Variants in CDC42BPB observed in about 807,000 individuals in gnomAD.
The protein encoded by CDC42BPB is CDC42 binding protein kinase beta.
CDC42BPB carries 37 observed loss-of-function variants against 214.9 expected under a neutral mutation model. The observed-to-expected ratio is 0.17, with a 90% CI of 0.13 to 0.23. The LOEUF (loss-of-function observed/expected upper bound fraction) is 0.23, where lower values mean the gene tolerates loss of function less well. Ranked by LOEUF, CDC42BPB falls within the 10% of genes least tolerant of loss-of-function variation. The pLI is 1.00. For missense variants in CDC42BPB, 1,694 were observed against 2,227.0 expected (o/e 0.76, Z 4.82); for synonymous variants, 931 against 884.0 (o/e 1.05, Z -0.94).
Position 102,944,049 on chromosome 14 carries a change from G to A in CDC42BPB, c.4250C>T (p.Ala1417Val), listed in dbSNP as rs776462657. 6.2e-7 allele frequency: 1 copy of A among 1,613,588 alleles called. No homozygotes were observed. The highest frequency in any genetic ancestry group is 1.1e-5 in the South Asian group (1 of 91,080). The part of the protein sequence containing the change: ...NLVNPNDPSL[A>V]FLSQQSFDAL... Reference sequence around the variant, plus strand: ...ATCAAAAGACTGTTGTGAGAGGAACGCAAGCGAGGGGTCATTGGGATTTAC... The same window carrying A: ...ATCAAAAGACTGTTGTGAGAGGAACACAAGCGAGGGGTCATTGGGATTTAC... The change falls in exon 30 of 37, where the codon GCG (alanine) becomes GTG (valine). Residue 1417 changes from alanine (A) to valine (V), a missense_variant. By Grantham distance (64) the Ala-to-Val change is moderately conservative (BLOSUM62 0). This residue lies in a region of CDC42BPB where 567 missense variants were observed against 790.3 expected (regional missense o/e 0.72). Coordinates refer to ENST00000361246, the MANE Select transcript of CDC42BPB (RefSeq NM_006035.4). The surrounding 1 kb of genome is among the most constrained non-coding windows in gnomAD (Gnocchi z 6.6).
chr14:102,977,332 C>T (rs1893795630), intron 9 of CDC42BPB, among the ~76,000 whole-genome samples: 1 of 123,918 alleles, frequency 8.1e-6, no homozygotes, highest in African/African-American at 3.1e-5. Context: ...GAGCGAGACT[C>T]CGTCTCCAAA....
At chr14:103,035,828 A>C (rs534202095) in intron 1 of CDC42BPB, among the ~76,000 whole-genome samples, 1 of 151,996 alleles carries the variant, frequency 6.6e-6, no homozygotes, top group East Asian at 1.9e-4. Flanking sequence ...TGACAGAGCA[A>C]GACTCTGTCT....
chr14:102,966,214 C>G, intron 18 of CDC42BPB, 68 bp downstream of exon 18: 1 of 1,188,848 alleles, frequency 8.4e-7, no homozygotes, highest in Non-Finnish European at 1.2e-6. Flanking sequence ...ACTTATATGT[C>G]ACATTTATAC....
chr14:102,946,877 T>C (rs760430909), intron 27 of CDC42BPB, 193 bp from the exon 28 acceptor site: 61 of 985,054 alleles, frequency 6.2e-5, no homozygotes, highest in Non-Finnish European at 6.7e-5. Flanking sequence ...AGGGGCGGGG[T>C]TCTAAACAGC....
At chr14:103,007,717 G>C (rs1885917885) in intron 3 of CDC42BPB, among the ~76,000 whole-genome samples, 1 of 152,218 alleles carries the variant, frequency 6.6e-6, no homozygotes, top group Non-Finnish European at 1.5e-5. Flanking sequence ...CTGCAAGGAG[G>C]GGACTGCCAA....
chr14:103,031,986 TA>T (rs1325334990), intron 1 of CDC42BPB, among the ~76,000 whole-genome samples: 21 of 144,518 alleles, frequency 1.5e-4, no homozygotes, highest in African/African-American at 4.8e-4. Flanking sequence ...TTATTATTAT[TA>T]TTATTTTTTT....
intron 1 of CDC42BPB, among the ~76,000 whole-genome samples, chr14:103,044,410 C>T (rs1173331151): frequency 1.3e-5 from 2 of 149,134 alleles, no homozygotes; most frequent in Non-Finnish European, 3.0e-5. Context: ...CGCTCTGTCA[C>T]CCAGGCTCGA....
In CDC42BPB at chr14:102,970,521, T is replaced by C. The variant is rs185984579; in HGVS notation, c.1885-260A>G. 1.7e-4 allele frequency: 51 copies of C among 295,662 alleles called. 1 individual carries two copies. The Admixed American group carries it at 2.1e-3, about 12-fold the overall frequency. 18.3% of individuals were successfully genotyped at this position (295,662 alleles called of 1,614,324 possible). A position where few individuals can be genotyped will look rare whatever the true frequency, so the allele number is the denominator to read the frequency against. ...TCAAGAAAGGATACATTTCTTGAAATTTAAATTTCACTGATTCGTGAAAAC... is the reference window on the plus strand; with the variant it reads ...TCAAGAAAGGATACATTTCTTGAAACTTAAATTTCACTGATTCGTGAAAAC... On this transcript the variant is annotated intron_variant, in intron 13 of 36. Transcript: ENST00000361246.
At chr14:102,946,824 C>A in intron 27 of CDC42BPB, 140 bp from the exon 28 acceptor site, 1 of 1,450,998 alleles carries the variant, frequency 6.9e-7, no homozygotes, top group Non-Finnish European at 9.0e-7. Context: ...CCTGACTCCA[C>A]CTCGCTGGGC....
At chr14:103,026,396 A>C (rs947404347) in intron 1 of CDC42BPB, among the ~76,000 whole-genome samples, 3 of 152,130 alleles carry the variant, frequency 2.0e-5, no homozygotes, top group African/African-American at 7.2e-5. Flanking sequence ...TCTCAAAAAC[A>C]AAACAAAACA....
chr14:102,957,098 T>G (rs1040237412), intron 21 of CDC42BPB, among the ~76,000 whole-genome samples: 26 of 139,734 alleles, frequency 1.9e-4, no homozygotes, highest in African/African-American at 6.3e-4. Context: ...CTACTTGGGA[T>G]GCTGAGGCAC....
rs146156042 is a variant in CDC42BPB at position 103,038,228 on chromosome 14, G to A, written c.175+18771C>T. 6.0e-3 allele frequency among the ~76,000 whole-genome samples: 913 copies of A among 151,082 alleles called. 15 individuals carry two copies. Among genetic ancestry groups the A allele is most frequent in the African/African-American group, 0.021 (864 of 41,154 alleles). On this transcript the variant is annotated intron_variant, in intron 1 of 36. Transcript: ENST00000361246. ...CACATGCCTGTAGTCCCAGCTACTC[G>A]GGAGGCTGAGGCAGGAGAATAGCGT...
intron 21 of CDC42BPB, 97 bp from the exon 22 acceptor site, chr14:102,954,785 T>C (rs1346658383): frequency 1.3e-6 from 2 of 1,500,782 alleles, no homozygotes; most frequent in Non-Finnish European, 1.8e-6. Context: ...GCAGATTCTG[T>C]CTAGCCCAGA....
chr14:103,006,536 G>A (rs1295146817), intron 3 of CDC42BPB, among the ~76,000 whole-genome samples: 1 of 152,220 alleles, frequency 6.6e-6, no homozygotes, highest in Non-Finnish European at 1.5e-5. Context: ...AACCAAGTAA[G>A]ATGAAATAAA....
chr14:103,023,802 A>C (rs1319436658), intron 1 of CDC42BPB, among the ~76,000 whole-genome samples: 1 of 152,192 alleles, frequency 6.6e-6, no homozygotes, highest in Non-Finnish European at 1.5e-5. Context: ...GAATATATAT[A>C]TTCTAATATG....
chr14:102,933,137 G>GC lies in CDC42BPB; in HGVS notation c.*574_*575insG, dbSNP rs1658446259. 2.0e-5 allele frequency: 3 copies of GC among 152,656 alleles called. No individual in the cohort carries two copies. Among genetic ancestry groups the GC allele is most frequent in the Middle Eastern group, 3.4e-3 (1 of 294 alleles). 9.5% of individuals were successfully genotyped at this position (152,656 alleles called of 1,614,324 possible). The stretch of plus-strand genomic sequence containing the variant: ...GCACACAGGGACGCAGGGTGTCACT[G>GC]GTCCTGGGCCTTTGTCCATGACTAG... On this transcript the variant is annotated 3_prime_UTR_variant, in exon 37 of 37. Coordinates refer to ENST00000361246, the MANE Select transcript of CDC42BPB (RefSeq NM_006035.4).
At chr14:103,014,272 C>T (rs1886334595) in intron 1 of CDC42BPB, among the ~76,000 whole-genome samples, 1 of 152,154 alleles carries the variant, frequency 6.6e-6, no homozygotes, top group Admixed American at 6.5e-5. Flanking sequence ...TGTCTGACTC[C>T]AGACCAGCTC....
chr14:102,971,026 G>C (rs371095569), intron 13 of CDC42BPB, among the ~76,000 whole-genome samples: 1 of 152,154 alleles, frequency 6.6e-6, no homozygotes, highest in Non-Finnish European at 1.5e-5. Flanking sequence ...CACCCAGGGC[G>C]GCACAGGGCT....
chr14:103,053,283 G>A (rs957382127), intron 1 of CDC42BPB, among the ~76,000 whole-genome samples: 3 of 151,462 alleles, frequency 2.0e-5, no homozygotes, highest in African/African-American at 4.9e-5. Flanking sequence ...GGAGGCGGAG[G>A]TTGCAGTGAG....
Sources: gnomAD v4.1 joint callset for allele counts (sites outside exome capture counted in the v4.1 genomes callset) on GRCh38, gnomAD v4.1.1 for gene constraint, gnomAD v4.1.1 regional missense constraint, Gnocchi (gnomAD v3.1) non-coding constraint, MANE v1.5 for transcripts, NCBI Gene and HGNC (gene_info 2026-07-23, HGNC 2026-07-21) for gene names.